Variants in ASAP1 observed in about 807,000 individuals in gnomAD.
ASAP1 encodes ArfGAP with SH3 domain, ankyrin repeat and PH domain 1.
Under a neutral mutation model 145.2 loss-of-function variants are expected in ASAP1, and 43 were observed. The ratio of observed to expected loss-of-function variants is 0.30; its 90% CI spans 0.23 to 0.38. The LOEUF is 0.38. Among genes scored for constraint, ASAP1 ranks in the 10% least tolerant of loss-of-function variants. The probability of loss-of-function intolerance (pLI) is 1.00; values close to 1 mark genes in which losing one functional copy is unlikely to be tolerated. For synonymous variants in ASAP1, 546 were observed against 515.5 expected (o/e 1.06, Z -0.80); for missense variants, 1,018 against 1,355.3 (o/e 0.75, Z 3.91).
intron 4 of ASAP1, among the ~76,000 whole-genome samples, chr8:130,223,944 T>C (rs894963094): frequency 1.3e-5 from 2 of 152,186 alleles, no homozygotes; most frequent in African/African-American, 4.8e-5. Context: ...TCATAAAACC[T>C]ATCCAAAGTT....
intron 24 of ASAP1, among the ~76,000 whole-genome samples, chr8:130,109,900 G>C (rs2097543913): frequency 6.6e-6 from 1 of 152,210 alleles, no homozygotes; most frequent in Non-Finnish European, 1.5e-5. Flanking sequence ...GTCCTGCTGT[G>C]AACAGCCATG....
At chr8:130,169,353 T>A (rs550831208) in intron 9 of ASAP1, among the ~76,000 whole-genome samples, 1 of 152,328 alleles carries the variant, frequency 6.6e-6, no homozygotes, top group South Asian at 2.1e-4. Flanking sequence ...CCCAAAACAG[T>A]GATTTCATAA....
chr8:130,262,416 AAGAGAGAGAGAGAG>A lies in ASAP1; in HGVS notation c.187-25436_187-25423del, dbSNP rs71513089. Among the ~76,000 whole-genome samples the A allele has an allele frequency of 3.5e-3, 204 of 57,854 alleles. 1 individual carries two copies. Among genetic ancestry groups the A allele is most frequent in the African/African-American group, 0.012 (172 of 14,750 alleles). 38.0% of individuals were successfully genotyped at this position (57,854 alleles called of 152,430 possible). On this transcript the variant is annotated intron_variant, in intron 3 of 29. Transcript: ENST00000518721. The stretch of plus-strand genomic sequence containing the variant: ...TCAAAAAAAAAAAAAAAAAAAAAAA[AAGAGAGAGAGAGAG>A]AGAGAGAGAGAGAGAGAGAGAGAGA...
intron 3 of ASAP1, among the ~76,000 whole-genome samples, chr8:130,324,376 T>C (rs760765985): frequency 1.3e-5 from 2 of 152,064 alleles, no homozygotes; most frequent in Non-Finnish European, 2.9e-5. Context: ...TGGAAGCAGG[T>C]AGGGATGAAA....
intron 3 of ASAP1, among the ~76,000 whole-genome samples, chr8:130,329,843 T>G (rs1316464462): frequency 6.6e-6 from 1 of 152,198 alleles, no homozygotes; most frequent in Non-Finnish European, 1.5e-5. Flanking sequence ...GAAAACCACA[T>G]GGCTCAGTGA....
At chr8:130,080,735 T>C (rs2097477782) in intron 25 of ASAP1, among the ~76,000 whole-genome samples, 1 of 151,954 alleles carries the variant, frequency 6.6e-6, no homozygotes. Context: ...TGGGTTCAAG[T>C]GATTCTCCTG....
intron 4 of ASAP1, among the ~76,000 whole-genome samples, chr8:130,235,060 A>T (rs1818134549): frequency 6.6e-6 from 1 of 152,032 alleles, no homozygotes. Context: ...TTATTTTTTA[A>T]ATTTATGGTA....
intron 3 of ASAP1, among the ~76,000 whole-genome samples, chr8:130,273,858 C>T (rs1487828623): frequency 6.6e-6 from 1 of 152,142 alleles, no homozygotes; most frequent in African/African-American, 2.4e-5. Context: ...TAGATAAAAC[C>T]TTGCCTGTTC....
chr8:130,125,761 C>T (rs2097574046), intron 17 of ASAP1, among the ~76,000 whole-genome samples, 195 bp downstream of exon 17: 2 of 152,162 alleles, frequency 1.3e-5, no homozygotes, highest in Admixed American at 6.5e-5. Context: ...TATGATTCAT[C>T]CTTTCTTCAA....
intron 2 of ASAP1, among the ~76,000 whole-genome samples, chr8:130,378,767 A>C (rs1294619359): frequency 6.6e-6 from 1 of 152,208 alleles, no homozygotes; most frequent in Non-Finnish European, 1.5e-5. Flanking sequence ...TGCCCTGCAG[A>C]TGTCTGTCAA....
At chr8:130,093,291 T>C (rs1409519510) in intron 24 of ASAP1, among the ~76,000 whole-genome samples, 1 of 152,230 alleles carries the variant, frequency 6.6e-6, no homozygotes, top group African/African-American at 2.4e-5. Context: ...TATTCCATGC[T>C]GGGCACTTTC....
At chr8:130,195,688 C>T (rs534637304) in intron 5 of ASAP1, among the ~76,000 whole-genome samples, 2 of 152,048 alleles carry the variant, frequency 1.3e-5, no homozygotes, top group Non-Finnish European at 2.9e-5. Flanking sequence ...AGAGGGAGGC[C>T]GAGGTCTATC....
chr8:130,120,861 A>G (rs902480286), intron 18 of ASAP1, among the ~76,000 whole-genome samples: 4 of 152,200 alleles, frequency 2.6e-5, no homozygotes, highest in African/African-American at 9.7e-5. Context: ...GTTTTCTGAC[A>G]CTGGAGTAAT....
chr8:130,390,802 G>A (rs1357829963), intron 2 of ASAP1, among the ~76,000 whole-genome samples: 1 of 152,176 alleles, frequency 6.6e-6, no homozygotes, highest in Non-Finnish European at 1.5e-5. Flanking sequence ...TGGAGACATG[G>A]GAACTCTTGT....
chr8:130,308,179 A>T lies in ASAP1; in HGVS notation c.186+49838T>A, dbSNP rs538570354. 3.3e-5 allele frequency among the ~76,000 whole-genome samples: 5 copies of T among 152,326 alleles called. No homozygotes were observed. In the East Asian group the frequency reaches 9.6e-4, roughly 29 times the overall value. Reference sequence around the variant, plus strand: ...GTTATGACTTCAAAAGTCTACTCCAAACTTAGATTCTATAAGCTAAGATTT... The same window carrying T: ...GTTATGACTTCAAAAGTCTACTCCATACTTAGATTCTATAAGCTAAGATTT... On this transcript the variant is annotated intron_variant, in intron 3 of 29. Transcript: ENST00000518721.
intron 5 of ASAP1, among the ~76,000 whole-genome samples, chr8:130,203,163 G>C (rs1361559375): frequency 6.6e-6 from 1 of 151,210 alleles, no homozygotes; most frequent in African/African-American, 2.4e-5. Context: ...AGCATTTTCT[G>C]AAGTGGTTCC....
Position 130,358,205 on chromosome 8 carries a change from G to A in ASAP1, c.60-62C>T, listed in dbSNP as rs1400676733. The A allele has an allele frequency of 5.5e-6, 8 of 1,460,392 alleles. No homozygotes were observed. Among genetic ancestry groups the A allele is most frequent in the South Asian group, 2.5e-5 (2 of 81,534 alleles). The allele number at this position is 1,460,392 out of a possible 1,614,324, so 90.5% of individuals were successfully genotyped here. ...GTGAGTCACGGCGCAGGCTCCCGGG[G>A]CCGCGGGCCGCCCGGAGGCTCATGA... On this transcript the variant is annotated intron_variant, in intron 2 of 29. Coordinates refer to ENST00000518721, the MANE Select transcript of ASAP1 (RefSeq NM_018482.4). This position sits in a 1 kb window ranked among gnomAD's most constrained non-coding sequence, Gnocchi z 4.1.
intron 24 of ASAP1, among the ~76,000 whole-genome samples, chr8:130,102,252 T>C (rs575328714): frequency 5.3e-5 from 8 of 152,290 alleles, no homozygotes; most frequent in South Asian, 4.1e-4. Flanking sequence ...ACGGCCTTTA[T>C]TATTTTGAGA....
chr8:130,273,202 T>C (rs56184034), intron 3 of ASAP1, among the ~76,000 whole-genome samples: 2 of 152,132 alleles, frequency 1.3e-5, no homozygotes. Context: ...ACCAAACAAA[T>C]CAACAGATTT....
Sources: gnomAD v4.1 joint callset for allele counts (sites outside exome capture counted in the v4.1 genomes callset) on GRCh38, gnomAD v4.1.1 for gene constraint, Gnocchi (gnomAD v3.1) non-coding constraint, MANE v1.5 for transcripts, NCBI Gene and HGNC (gene_info 2026-07-23, HGNC 2026-07-21) for gene names.